Variants in HSP90B1 observed in about 807,000 individuals in gnomAD.
HSP90B1 encodes the protein heat shock protein 90 beta family member 1.
HSP90B1 carries 27 observed loss-of-function variants against 100.4 expected under a neutral mutation model. The observed-to-expected ratio is 0.27, with a 90% CI of 0.20 to 0.37. HSP90B1 has a LOEUF of 0.37. HSP90B1 is among the 10% of genes least tolerant of loss of function. The probability of loss-of-function intolerance (pLI) is 1.00; values close to 1 mark genes in which losing one functional copy is unlikely to be tolerated. For missense variants in HSP90B1, 678 were observed against 960.5 expected, an observed-to-expected ratio of 0.71 and a Z score of 3.89; for synonymous variants, 304 against 330.8, an observed-to-expected ratio of 0.92 and a Z score of 0.88.
intron 5 of HSP90B1, among the ~76,000 whole-genome samples, chr12:103,936,472 T>C (rs1271232221): frequency 6.6e-6 from 1 of 151,456 alleles, no homozygotes; most frequent in Non-Finnish European, 1.5e-5. Context: ...TGGGATCCCA[T>C]CTCCACAAAA....
intron 14 of HSP90B1, among the ~76,000 whole-genome samples, chr12:103,945,610 G>A (rs1213777089): frequency 6.6e-6 from 1 of 152,210 alleles, no homozygotes; most frequent in Admixed American, 6.5e-5. Flanking sequence ...ACTTGGGGAG[G>A]CAGAGCTACA....
Position 103,947,758 on chromosome 12 carries a change from C to A in HSP90B1, c.*96C>A. ...GACTTGTTTTGGATGCCCCCTAATCCCCTTCTCCCCTGCACTGTAAAATGT... is the reference window on the plus strand; with the variant it reads ...GACTTGTTTTGGATGCCCCCTAATCACCTTCTCCCCTGCACTGTAAAATGT... On this transcript the variant is annotated 3_prime_UTR_variant, in exon 18 of 18. Transcript: ENST00000299767. 2.0e-6 allele frequency: 2 copies of A among 1,013,658 alleles called. No individual in the cohort carries two copies. Among genetic ancestry groups the A allele is most frequent in the Non-Finnish European group, 3.2e-6 (2 of 634,544 alleles). 62.8% of individuals were successfully genotyped at this position (1,013,658 alleles called of 1,614,324 possible).
chr12:103,947,147 T>G (rs1870259239), intron 16 of HSP90B1, among the ~76,000 whole-genome samples, 164 bp from the exon 17 acceptor site: 1 of 152,238 alleles, frequency 6.6e-6, no homozygotes, highest in South Asian at 2.1e-4. Flanking sequence ...CTCTTTCCTT[T>G]TTGCCTGCCT....
At chr12:103,931,761 C>T (rs1869770802) in intron 2 of HSP90B1, 138 bp downstream of exon 2, 1 of 700,304 alleles carries the variant, frequency 1.4e-6, no homozygotes, top group East Asian at 2.9e-5. Flanking sequence ...GAGTTGTGTG[C>T]ATACATACCT....
At position 103,930,511 on chromosome 12, in the gene HSP90B1, A is replaced by T. The variant is rs923913215; in HGVS notation, c.-5A>T. ...AGGGGACTTGAGACTCACCGGCCGC[A>T]CGCCATGAGGGCCCTGTGGGTGCTG... is the stretch of plus-strand genomic sequence containing the variant. On this transcript the variant is annotated 5_prime_UTR_variant, in exon 1 of 18. Transcript: ENST00000299767. This position sits in a 1 kb window ranked among gnomAD's most constrained non-coding sequence, Gnocchi z 4.4. The T allele has an allele frequency of 1.2e-6, 2 of 1,604,786 alleles. No individual in the cohort carries two copies. The highest frequency in any genetic ancestry group is 8.5e-7 in the Non-Finnish European group (1 of 1,175,858).
At chr12:103,939,652 T>C (rs768891486) in intron 8 of HSP90B1, 27 bp downstream of exon 8, 2 of 1,057,276 alleles carry the variant, frequency 1.9e-6, no homozygotes, top group Non-Finnish European at 2.8e-6. Flanking sequence ...CCCTAGTTTC[T>C]GGTTATTAAT....
rs541351499 is a variant in HSP90B1 at position 103,932,415 on chromosome 12, A to G, written c.291A>G (p.Lys97=). ...TCATCAATTCATTGTATAAAAATAAAGAGGTAAGCAACATGTGGTTAGAAT... is the reference window on the plus strand; with the variant it reads ...TCATCAATTCATTGTATAAAAATAAGGAGGTAAGCAACATGTGGTTAGAAT... The part of the protein sequence containing the change: ...KLIINSLYKN[K]EIFLRELISN... The change falls in exon 3 of 18, where the codon AAA becomes AAG. Residue 97 remains lysine, a synonymous_variant. Transcript: ENST00000299767. 12 of 1,609,892 alleles carry G rather than the reference A, an allele frequency of 7.5e-6. No individual in the cohort carries two copies. In the East Asian group the frequency reaches 2.5e-4, roughly 33 times the overall value.
chr12:103,942,029 G>T, intron 11 of HSP90B1, 132 bp downstream of exon 11: 1 of 675,622 alleles, frequency 1.5e-6, no homozygotes, highest in Admixed American at 2.5e-5. Flanking sequence ...TTTCTTTCTG[G>T]AGTTATCAGA....
chr12:103,947,714 A>C lies in HSP90B1; in HGVS notation c.*52A>C. On this transcript the variant is annotated 3_prime_UTR_variant, in exon 18 of 18. Transcript: ENST00000299767. ...TGTGGAGAGGGAATGTGAAATTTACATCATTTCTTTTTGGGAGAGACTTGT... is the reference window on the plus strand; with the variant it reads ...TGTGGAGAGGGAATGTGAAATTTACCTCATTTCTTTTTGGGAGAGACTTGT... 6.8e-7 allele frequency: 1 copy of C among 1,472,852 alleles called. No homozygotes were observed. The highest frequency in any genetic ancestry group is 9.5e-7 in the Non-Finnish European group (1 of 1,051,826). 91.2% of individuals were successfully genotyped at this position (1,472,852 alleles called of 1,614,324 possible). A position where few individuals can be genotyped will look rare whatever the true frequency, so the allele number is the denominator to read the frequency against.
In HSP90B1 at chr12:103,930,559, C is replaced by T. The variant is rs1869715005; in HGVS notation, c.44C>T (p.Thr15Ile). 1.9e-6 allele frequency: 3 copies of T among 1,609,932 alleles called. No individual in the cohort carries two copies. Among genetic ancestry groups the T allele is most frequent in the East Asian group, 4.5e-5 (2 of 44,454 alleles). ...CTGGGCCTCTGCTGCGTCCTGCTGACCTTCGGTGAGTGATTCTGGAGGAGC... is the reference window on the plus strand; with the variant it reads ...CTGGGCCTCTGCTGCGTCCTGCTGATCTTCGGTGAGTGATTCTGGAGGAGC... The part of the protein sequence containing the change: ...WVLGLCCVLL[T>I]FGSVRADDEV... Residue 15 changes from threonine to isoleucine, a missense_variant, in exon 1 of 18, where the codon ACC (threonine) becomes ATC (isoleucine). This residue lies in a region of HSP90B1 where 88 missense variants were observed against 88.2 expected (regional missense o/e 1.00). Coordinates refer to ENST00000299767, the MANE Select transcript of HSP90B1 (RefSeq NM_003299.3). This position sits in a 1 kb window ranked among gnomAD's most constrained non-coding sequence, Gnocchi z 4.4.
chr12:103,936,099 TG>T (rs2136213771), intron 5 of HSP90B1, among the ~76,000 whole-genome samples: 1 of 152,350 alleles, frequency 6.6e-6, no homozygotes, highest in East Asian at 1.9e-4. Context: ...TCATTGTCCA[TG>T]TGATCTTTAT....
intron 7 of HSP90B1, 99 bp downstream of exon 7, chr12:103,938,558 A>G: frequency 7.5e-7 from 1 of 1,340,136 alleles, no homozygotes; most frequent in Non-Finnish European, 1.0e-6. Flanking sequence ...AGTCAGCTTC[A>G]GTTCAGGTGC....
chr12:103,930,623 G>A lies in HSP90B1; in HGVS notation c.49+59G>A. ...CCACACACGCGGCCGCTTCTCGAAG[G>A]TCCTGGGGGCGTTGAACGTGGGAGG... On this transcript the variant is annotated intron_variant, in intron 1 of 17. Coordinates refer to ENST00000299767, the MANE Select transcript of HSP90B1 (RefSeq NM_003299.3). The surrounding 1 kb of genome is among the most constrained non-coding windows in gnomAD (Gnocchi z 4.4). The A allele has an allele frequency of 6.5e-7, 1 of 1,535,306 alleles. No homozygotes were observed. Among genetic ancestry groups the A allele is most frequent in the Non-Finnish European group, 8.8e-7 (1 of 1,132,300 alleles).
At chr12:103,947,219 CAGAAGTG>C in intron 16 of HSP90B1, 85 bp from the exon 17 acceptor site, 1 of 1,447,588 alleles carries the variant, frequency 6.9e-7, no homozygotes, top group Non-Finnish European at 9.3e-7. Context: ...TCTGAATAAA[CAGAAGTG>C]ACATTAATTA....
At chr12:103,941,145 G>A (rs1870064150) in intron 8 of HSP90B1, among the ~76,000 whole-genome samples, 2 of 152,124 alleles carry the variant, frequency 1.3e-5, no homozygotes, top group Non-Finnish European at 2.9e-5. Context: ...CCTTCTGAGA[G>A]TTTAGGAAAT....
intron 5 of HSP90B1, 107 bp downstream of exon 5, chr12:103,934,394 C>A: frequency 1.1e-6 from 1 of 908,368 alleles, no homozygotes; most frequent in South Asian, 1.8e-5. Context: ...AATTTTCCTG[C>A]CTTATAAAAT....
chr12:103,933,830 G>A lies in HSP90B1; in HGVS notation c.412-126G>A, dbSNP rs1869831393. The A allele has an allele frequency of 5.8e-6, 4 of 693,406 alleles. No homozygotes were observed. The East Asian group carries it at 1.1e-4, about 19-fold the overall frequency. 43.0% of individuals were successfully genotyped at this position (693,406 alleles called of 1,614,324 possible). ...AAAAGGCCATAAAAAACTATGTGGAGGAAAATATCTCAGTTTAGTTTTCTG... is the reference window on the plus strand; with the variant it reads ...AAAAGGCCATAAAAAACTATGTGGAAGAAAATATCTCAGTTTAGTTTTCTG... On this transcript the variant is annotated intron_variant, in intron 4 of 17. Coordinates refer to ENST00000299767, the MANE Select transcript of HSP90B1 (RefSeq NM_003299.3).
rs776256122 is a variant in HSP90B1, at chr12:103,946,606, A to C, written c.2028-12A>C. 1.9e-6 allele frequency: 3 copies of C among 1,594,334 alleles called. No homozygotes were observed. Among genetic ancestry groups the C allele is most frequent in the African/African-American group, 1.3e-5 (1 of 74,596 alleles). On this transcript the variant is annotated splice_polypyrimidine_tract_variant and intron_variant, in intron 14 of 17. Transcript: ENST00000299767. ...ATATGTTTTGTTAATGTTCATTTTT[A>C]TCTCTTAACAGTTACTATGCGAGTC...
chr12:103,934,952 C>T (rs749192576), intron 5 of HSP90B1, among the ~76,000 whole-genome samples: 9 of 152,184 alleles, frequency 5.9e-5, no homozygotes, highest in Admixed American at 1.3e-4. Flanking sequence ...CCACCCACCT[C>T]GGCCTCCCAA....
Sources: gnomAD v4.1 joint callset for allele counts (sites outside exome capture counted in the v4.1 genomes callset) on GRCh38, gnomAD v4.1.1 for gene constraint, gnomAD v4.1.1 regional missense constraint, Gnocchi (gnomAD v3.1) non-coding constraint, MANE v1.5 for transcripts, NCBI Gene and HGNC (gene_info 2026-07-23, HGNC 2026-07-21) for gene names.